Variants in KIAA1671 observed in about 807,000 individuals in gnomAD.
KIAA1671 encodes KIAA1671, also known as uncharacterized protein KIAA1671.
In KIAA1671, 52 loss-of-function variants were observed where a neutral mutation model predicts 131.2. The ratio of observed to expected loss-of-function variants is 0.40; its 90% CI spans 0.32 to 0.50. The LOEUF is 0.50. KIAA1671 is among the 20% of genes least tolerant of loss of function. The pLI is 0.73. For missense variants in KIAA1671, 2,360 were observed against 2,364.2 expected (o/e 1.00, Z 0.04); for synonymous variants, 1,003 against 961.6 (o/e 1.04, Z -0.80).
intron 3 of KIAA1671, 82 bp downstream of exon 3, chr22:25,029,622 C>A: frequency 1.0e-6 from 1 of 1,003,866 alleles, no homozygotes; most frequent in Non-Finnish European, 1.4e-6. Context: ...CCATGCTGGG[C>A]ACTTGTCACC....
chr22:25,107,068 A>G (rs1387215425), intron 6 of KIAA1671, among the ~76,000 whole-genome samples: 1 of 152,178 alleles, frequency 6.6e-6, no homozygotes, highest in Non-Finnish European at 1.5e-5. Flanking sequence ...TAGAAAAATT[A>G]TATAGGAAAA....
At chr22:25,033,949 C>G (rs1164125958) in intron 4 of KIAA1671, among the ~76,000 whole-genome samples, 2 of 151,902 alleles carry the variant, frequency 1.3e-5, no homozygotes, top group African/African-American at 4.8e-5. Context: ...ACACATTCAA[C>G]TTGGTGAGTT....
intron 6 of KIAA1671, among the ~76,000 whole-genome samples, chr22:25,092,340 G>A (rs555942519): frequency 4.1e-4 from 63 of 152,316 alleles, no homozygotes; most frequent in African/African-American, 1.5e-3. Context: ...ACGTGCAAAG[G>A]CCCTGCATTG....
chr22:25,076,600 CTGAGG>C (rs1469391245), intron 6 of KIAA1671, among the ~76,000 whole-genome samples: 1 of 152,180 alleles, frequency 6.6e-6, no homozygotes, highest in Non-Finnish European at 1.5e-5. Context: ...GTAAGAATAG[CTGAGG>C]GCTACAGCCT....
At chr22:24,993,594 C>G (rs1923956439) in intron 1 of KIAA1671, among the ~76,000 whole-genome samples, 2 of 152,198 alleles carry the variant, frequency 1.3e-5, no homozygotes, top group Admixed American at 1.3e-4. Flanking sequence ...TCCCTTGTCA[C>G]ATGCTACTGT....
At chr22:25,018,150 T>C (rs1925440326) in intron 1 of KIAA1671, among the ~76,000 whole-genome samples, 1 of 152,018 alleles carries the variant, frequency 6.6e-6, no homozygotes, top group Non-Finnish European at 1.5e-5. Flanking sequence ...TCTGCCCCCA[T>C]CAGGGCACCT....
At chr22:24,974,940 C>T (rs1922839583) in intron 1 of KIAA1671, among the ~76,000 whole-genome samples, 2 of 152,008 alleles carry the variant, frequency 1.3e-5, no homozygotes, top group Non-Finnish European at 1.5e-5. Flanking sequence ...GTGATCCATC[C>T]GCCTCGGCCT....
At chr22:25,114,514 C>T (rs887189843) in intron 6 of KIAA1671, among the ~76,000 whole-genome samples, 1 of 152,216 alleles carries the variant, frequency 6.6e-6, no homozygotes, top group African/African-American at 2.4e-5. Context: ...GACCCCCTGC[C>T]TAGGGGTTGA....
chr22:24,965,940 T>C (rs532723818), intron 1 of KIAA1671, among the ~76,000 whole-genome samples: 3 of 152,264 alleles, frequency 2.0e-5, no homozygotes, highest in South Asian at 2.1e-4. Flanking sequence ...TCCTCTGACA[T>C]AGATTTTGTG....
intron 5 of KIAA1671, among the ~76,000 whole-genome samples, chr22:25,046,764 A>C (rs1927257291): frequency 1.3e-5 from 2 of 152,076 alleles, no homozygotes; most frequent in African/African-American, 4.8e-5. Context: ...TAAGTGGTTG[A>C]AACTTTGGTT....
At chr22:25,160,720 C>T (rs1395069829) in intron 6 of KIAA1671, among the ~76,000 whole-genome samples, 1 of 152,156 alleles carries the variant, frequency 6.6e-6, no homozygotes, top group Non-Finnish European at 1.5e-5. Flanking sequence ...CACCTGGCCA[C>T]ACCTGGCCCA....
In KIAA1671 at chr22:25,190,772, C is replaced by G. The variant is rs1336896427; in HGVS notation, c.5413C>G (p.Gln1805Glu). The change falls in exon 12 of 13, where the codon CAA becomes GAA. Residue 1805 changes from glutamine to glutamate, a missense_variant. This residue lies in a region of KIAA1671 where 1,161 missense variants were observed against 1,204.7 expected (regional missense o/e 0.96). Coordinates refer to ENST00000358431, the MANE Select transcript of KIAA1671 (RefSeq NM_001145206.2). The stretch of plus-strand genomic sequence containing the variant: ...GAAGAGGCAAAGTCTTTATGAGAAC[C>G]AAGTTTGACCAGGTATGAAGGGGCT... ...SKKRQSLYEN[Q>E]V is the part of the protein sequence containing the mutation. 6.4e-7 allele frequency: 1 copy of G among 1,550,402 alleles called. No individual in the cohort carries two copies. Among genetic ancestry groups the G allele is most frequent in the Non-Finnish European group, 8.7e-7 (1 of 1,145,828 alleles).
intron 1 of KIAA1671, chr22:25,024,039 A>G (rs1291034541): frequency 1.3e-5 from 2 of 152,206 alleles, no homozygotes; most frequent in African/African-American, 4.8e-5. Flanking sequence ...GTGTTTACAT[A>G]TCAGACATCT....
At chr22:25,076,512 A>G (rs1167582646) in intron 6 of KIAA1671, among the ~76,000 whole-genome samples, 1 of 152,180 alleles carries the variant, frequency 6.6e-6, no homozygotes, top group East Asian at 1.9e-4. Context: ...AGAAACCACT[A>G]TCACCATCAA....
Position 25,038,984 on chromosome 22 carries a change from C to T in KIAA1671, c.1854C>T (p.His618=), listed in dbSNP as rs1328371879. The change falls in exon 5 of 13, where the codon CAC becomes CAT. Residue 618 remains histidine, a synonymous_variant. Coordinates refer to ENST00000358431, the MANE Select transcript of KIAA1671 (RefSeq NM_001145206.2). ...TGTGGGCCACAGTATTTGAGCACCACGTGGAGAGACACACAGTGGCTGACC... is the reference window on the plus strand; with the variant it reads ...TGTGGGCCACAGTATTTGAGCACCATGTGGAGAGACACACAGTGGCTGACC... ...QTVWATVFEH[H]VERHTVADQS... 13 of 1,551,766 alleles carry T rather than the reference C, an allele frequency of 8.4e-6. No homozygotes were observed. Among genetic ancestry groups the T allele is most frequent in the East Asian group, 2.4e-5 (1 of 40,920 alleles).
At position 25,093,824 on chromosome 22, in the gene KIAA1671, TTCTCTCTCTGTCTG is replaced by T. The variant is rs1568951527; in HGVS notation, c.4530+44470_4530+44483del. ...TCTCTCTCTCTCTGTCTCTCTCTCT[TTCTCTCTCTGTCTG>T]TCTCTCTCTCTCTCTCTCTCTCTCT... On this transcript the variant is annotated intron_variant, in intron 6 of 12. Coordinates refer to ENST00000358431, the MANE Select transcript of KIAA1671 (RefSeq NM_001145206.2). Among the ~76,000 whole-genome samples the T allele has an allele frequency of 2.7e-3, 60 of 21,930 alleles. 9 individuals carry two copies. The highest frequency in any genetic ancestry group is 6.6e-3 in the African/African-American group (24 of 3,628). 14.4% of individuals were successfully genotyped at this position (21,930 alleles called of 152,430 possible).
chr22:25,063,804 A>G (rs1244112173), intron 6 of KIAA1671: 7 of 152,184 alleles, frequency 4.6e-5, no homozygotes, highest in African/African-American at 1.7e-4. Flanking sequence ...TTGCAAGCAC[A>G]TACTGTTATG....
chr22:24,962,185 C>T (rs1230672469), intron 1 of KIAA1671, among the ~76,000 whole-genome samples: 1 of 152,132 alleles, frequency 6.6e-6, no homozygotes, highest in African/African-American at 2.4e-5. Context: ...AACGCAGCGA[C>T]GCCAAGGTGA....
At chr22:25,132,110 C>T (rs1932469017) in intron 6 of KIAA1671, among the ~76,000 whole-genome samples, 1 of 152,192 alleles carries the variant, frequency 6.6e-6, no homozygotes. Context: ...TTTGTCCCTT[C>T]TTGGATCCCC....
Sources: allele counts gnomAD v4.1 joint callset (sites outside exome capture counted in the v4.1 genomes callset), GRCh38; gene constraint gnomAD v4.1.1; regional missense constraint gnomAD v4.1.1; transcripts MANE v1.5; gene names NCBI Gene and HGNC (gene_info 2026-07-23, HGNC 2026-07-21).